PRKG1: variants seen among roughly 807,000 people sequenced by gnomAD.
PRKG1 encodes the protein protein kinase cGMP-dependent 1, also known as cGMP-dependent protein kinase 1.
A neutral mutation model predicts 88.1 loss-of-function variants in PRKG1; 35 were observed. The observed-to-expected ratio is 0.40, with a 90% confidence interval of 0.30 to 0.53. PRKG1 has a LOEUF of 0.53. PRKG1 is among the 20% of genes least tolerant of loss of function. The pLI is 0.59. For missense variants in PRKG1, 540 were observed against 839.8 expected (o/e 0.64, Z 4.41); for synonymous variants, 303 against 292.5 (o/e 1.04, Z -0.37).
rs144366501 is a variant in PRKG1 at position 51,182,586 on chromosome 10, G to A, written c.478+29256G>A. ...ATAGCATGTCACAGGGGTTAGAGTG[G>A]GTAATGAGACCCAGCTTGCCTAGGA... On this transcript the variant is annotated intron_variant, in intron 2 of 17. Coordinates refer to ENST00000373980, the MANE Select transcript of PRKG1 (RefSeq NM_006258.4). 4.1e-4 allele frequency among the ~76,000 whole-genome samples: 62 copies of A among 152,258 alleles called. 1 individual carries two copies. Among genetic ancestry groups the A allele is most frequent in the African/African-American group, 1.3e-3 (54 of 41,538 alleles).
intron 1 of PRKG1, among the ~76,000 whole-genome samples, chr10:51,034,664 T>TTTTTTTA (rs1554831102): frequency 1.0e-4 from 1 of 9,944 alleles, no homozygotes; most frequent in Non-Finnish European, 1.9e-4. Context: ...ATATAATATG[T>TTTTTTTA]TATTTATATA....
rs76499128 is a variant in PRKG1 at position 52,084,285 on chromosome 10, A to G, written c.935+21654A>G. On this transcript the variant is annotated intron_variant, in intron 7 of 17. Coordinates refer to ENST00000373980, the MANE Select transcript of PRKG1 (RefSeq NM_006258.4). Reference sequence around the variant, plus strand: ...TGAAACAAATATCTGCTCAACTAAGATGCTTTCAAGACAAATGAGATGAAA... The same window carrying G: ...TGAAACAAATATCTGCTCAACTAAGGTGCTTTCAAGACAAATGAGATGAAA... Among the ~76,000 whole-genome samples, 158 of 152,166 alleles carry G rather than the reference A, an allele frequency of 1.0e-3. 2 individuals carry two copies. The East Asian group carries it at 0.028, about 27-fold the overall frequency.
At chr10:51,068,266 C>T (rs905445521) in intron 1 of PRKG1, among the ~76,000 whole-genome samples, 1 of 151,860 alleles carries the variant, frequency 6.6e-6, no homozygotes, top group African/African-American at 2.4e-5. Flanking sequence ...ATTTACATGC[C>T]CATTAAGTTA....
At chr10:51,244,952 ACCAATG>A (rs1351361373) in intron 2 of PRKG1, 1 of 151,932 alleles carries the variant, frequency 6.6e-6, no homozygotes, top group Non-Finnish European at 1.5e-5. Flanking sequence ...CTTTGGATAT[ACCAATG>A]CAGACTGCTG....
At chr10:51,114,012 G>T (rs922882228) in intron 1 of PRKG1, among the ~76,000 whole-genome samples, 2 of 150,784 alleles carry the variant, frequency 1.3e-5, no homozygotes, top group South Asian at 4.2e-4. Flanking sequence ...AACTAAAACT[G>T]TGTTTCTTTC....
chr10:51,566,215 T>A (rs1837599489), intron 3 of PRKG1, among the ~76,000 whole-genome samples: 2 of 152,034 alleles, frequency 1.3e-5, no homozygotes, highest in African/African-American at 4.8e-5. Flanking sequence ...ACTTGGCACT[T>A]GACTATGATA....
rs895260429 is a variant in PRKG1, at chr10:51,823,946, TCA to T, written c.698+19258_698+19259del. 2.4e-4 allele frequency among the ~76,000 whole-genome samples: 33 copies of T among 138,422 alleles called. 1 individual carries two copies. The highest frequency in any genetic ancestry group is 1.4e-3 in the Admixed American group (18 of 12,740). 90.8% of individuals were successfully genotyped at this position (138,422 alleles called of 152,430 possible). On this transcript the variant is annotated intron_variant, in intron 4 of 17. Transcript: ENST00000373980. ...TAGAGTGCAGTGGTGCAATCTTAGC[TCA>T]CTGAAGCCTCGAACTACTGGGCTCA...
rs550914208 is a variant in PRKG1 at position 52,221,582 on chromosome 10, G to T, written c.1077-29988G>T. Among the ~76,000 whole-genome samples, 9 of 152,120 alleles carry T rather than the reference G, an allele frequency of 5.9e-5. No individual in the cohort carries two copies. The South Asian group carries it at 1.9e-3, about 32-fold the overall frequency. ...AAAAGAAAACCAGAATATGAACTAGGTGTTAAGTCATATTTATTTTAAAGT... is the reference window on the plus strand; with the variant it reads ...AAAAGAAAACCAGAATATGAACTAGTTGTTAAGTCATATTTATTTTAAAGT... On this transcript the variant is annotated intron_variant, in intron 9 of 17. Coordinates refer to ENST00000373980, the MANE Select transcript of PRKG1 (RefSeq NM_006258.4).
chr10:52,181,703 G>C, intron 9 of PRKG1, among the ~76,000 whole-genome samples: 1 of 85,396 alleles, frequency 1.2e-5, no homozygotes, highest in Non-Finnish European at 2.3e-5. Flanking sequence ...TTGTTCTTGC[G>C]ATAGTTTACT....
chr10:51,699,283 C>T (rs763844820), intron 3 of PRKG1: 26 of 1,613,962 alleles, frequency 1.6e-5, no homozygotes, highest in Non-Finnish European at 2.2e-5. Context: ...CAGCATTGTC[C>T]ACCCGAAGCG....
At chr10:52,028,241 A>G (rs1046385670) in intron 5 of PRKG1, among the ~76,000 whole-genome samples, 3 of 152,122 alleles carry the variant, frequency 2.0e-5, no homozygotes, top group Non-Finnish European at 2.9e-5. Context: ...AGAGTCCTAT[A>G]TGCTTTTTAG....
At chr10:52,065,384 C>G (rs1846331786) in intron 7 of PRKG1, among the ~76,000 whole-genome samples, 1 of 152,116 alleles carries the variant, frequency 6.6e-6, no homozygotes, top group South Asian at 2.1e-4. Flanking sequence ...ACAGTCAGTT[C>G]TGTTTTCATT....
intron 5 of PRKG1, among the ~76,000 whole-genome samples, chr10:52,022,205 C>T (rs927904496): frequency 2.6e-5 from 4 of 152,170 alleles, no homozygotes; most frequent in Non-Finnish European, 5.9e-5. Flanking sequence ...GTTCTGATAA[C>T]ATTCAAAGTA....
chr10:52,009,344 G>A (rs1014350123), intron 5 of PRKG1, among the ~76,000 whole-genome samples: 10 of 152,012 alleles, frequency 6.6e-5, no homozygotes, highest in African/African-American at 2.4e-4. Context: ...CAAAATCAGT[G>A]TACAAAAAAT....
chr10:51,924,211 C>T (rs79782488), intron 5 of PRKG1, among the ~76,000 whole-genome samples: 6,456 of 152,214 alleles, frequency 0.042, 215 homozygotes, highest in Non-Finnish European at 0.068. Context: ...TTTAACATTT[C>T]CTGTAAAGCA....
chr10:51,009,903 A>G (rs1308022779), intron 1 of PRKG1, among the ~76,000 whole-genome samples: 2 of 152,200 alleles, frequency 1.3e-5, no homozygotes, highest in East Asian at 1.9e-4. Flanking sequence ...TCAAAATTGT[A>G]TCTTCTTTGC....
chr10:51,515,563 C>T (rs1841554977), intron 3 of PRKG1, among the ~76,000 whole-genome samples: 1 of 152,132 alleles, frequency 6.6e-6, no homozygotes. Context: ...CTGCTTGTTT[C>T]AAAATGACTT....
At chr10:51,752,484 G>A (rs1837751980) in intron 3 of PRKG1, among the ~76,000 whole-genome samples, 1 of 152,118 alleles carries the variant, frequency 6.6e-6, no homozygotes, top group African/African-American at 2.4e-5. Flanking sequence ...GGGTCATGTA[G>A]GAAGGCCATT....
intron 9 of PRKG1, among the ~76,000 whole-genome samples, chr10:52,166,825 ATATG>A (rs1326780035): frequency 2.3e-3 from 6 of 2,654 alleles, no homozygotes; most frequent in East Asian, 0.045. Flanking sequence ...ATATGTATAT[ATATG>A]TATATATATG....
Sources: gnomAD v4.1 joint callset for allele counts (sites outside exome capture counted in the v4.1 genomes callset) on GRCh38, gnomAD v4.1.1 for gene constraint, MANE v1.5 for transcripts, NCBI Gene and HGNC (gene_info 2026-07-23, HGNC 2026-07-21) for gene names.